The following NF2 variants were observed in gnomAD, a reference collection of about 807,000 sequenced individuals.
NF2 encodes the protein merlin.
In NF2, 8 loss-of-function variants were observed where a neutral mutation model predicts 83.7. The ratio of observed to expected loss-of-function variants is 0.10; its 90% CI spans 0.06 to 0.17. NF2 has a LOEUF of 0.17. NF2 is among the 10% of genes least tolerant of loss of function. NF2 has a pLI of 1.00. For synonymous variants in NF2, 266 were observed against 269.6 expected (o/e 0.99, Z 0.13); for missense variants, 533 against 744.4 (o/e 0.72, Z 3.31).
At chr22:29,616,336 T>C (rs1370714429) in intron 1 of NF2, among the ~76,000 whole-genome samples, 1 of 152,188 alleles carries the variant, frequency 6.6e-6, no homozygotes, top group Non-Finnish European at 1.5e-5. Flanking sequence ...TATATCAAGA[T>C]GTTTAAAAAA....
intron 4 of NF2, among the ~76,000 whole-genome samples, chr22:29,651,119 G>A (rs2066136057): frequency 6.6e-6 from 1 of 152,134 alleles, no homozygotes; most frequent in Non-Finnish European, 1.5e-5. Context: ...TTTATTGACT[G>A]GTGTGTGGGT....
intron 1 of NF2, among the ~76,000 whole-genome samples, chr22:29,613,891 C>G (rs1309392271): frequency 3.3e-5 from 5 of 151,408 alleles, no homozygotes; most frequent in South Asian, 4.2e-4. Flanking sequence ...TCCTGAGTAC[C>G]TGGACTACAG....
chr22:29,608,427 G>A (rs2064862584), intron 1 of NF2, among the ~76,000 whole-genome samples: 1 of 151,216 alleles, frequency 6.6e-6, no homozygotes, highest in African/African-American at 2.4e-5. Flanking sequence ...GGAGTACTCT[G>A]GGAGGCTGAG....
chr22:29,639,056 T>C (rs778018405), intron 2 of NF2, 34 bp from the exon 3 acceptor site: 2 of 1,614,184 alleles, frequency 1.2e-6, no homozygotes, highest in Non-Finnish European at 1.7e-6. Flanking sequence ...AGTGCCAATA[T>C]AGTGTGTTTG....
chr22:29,618,161 C>G (rs1481833070), intron 1 of NF2, among the ~76,000 whole-genome samples: 1 of 152,188 alleles, frequency 6.6e-6, no homozygotes, highest in Non-Finnish European at 1.5e-5. Context: ...ACCATGTTCA[C>G]ATATTCTGTT....
chr22:29,609,111 CTG>C, intron 1 of NF2: 1 of 749,592 alleles, frequency 1.3e-6, no homozygotes, highest in Non-Finnish European at 2.5e-6. Context: ...CTCGAGGAAA[CTG>C]AGAACCCAGG....
intron 4 of NF2, among the ~76,000 whole-genome samples, chr22:29,650,752 G>A (rs2066126094): frequency 6.6e-6 from 1 of 151,830 alleles, no homozygotes. Context: ...ATAGGCATGC[G>A]CCACCATGCC....
At chr22:29,666,046 GAT>G (rs1420182382) in intron 9 of NF2, among the ~76,000 whole-genome samples, 1 of 151,724 alleles carries the variant, frequency 6.6e-6, no homozygotes, top group Admixed American at 6.6e-5. Context: ...ATTTTTTTGA[GAT>G]ATATCTTTGT....
chr22:29,667,948 G>A (rs1443662974), intron 9 of NF2, among the ~76,000 whole-genome samples: 2 of 151,976 alleles, frequency 1.3e-5, no homozygotes, highest in Non-Finnish European at 1.5e-5. Context: ...TGTAAGGGAG[G>A]GATACAACTT....
In NF2 at chr22:29,639,230, A is replaced by AC. The variant is rs747050136; in HGVS notation, c.363+24dup. The AC allele has an allele frequency of 6.2e-7, 1 of 1,613,762 alleles. No individual in the cohort carries two copies. Among genetic ancestry groups the AC allele is most frequent in the Non-Finnish European group, 8.5e-7 (1 of 1,179,980 alleles). On this transcript the variant is annotated intron_variant, in intron 3 of 15. Transcript: ENST00000338641. ...TCTTACAGGTACATCAGTCAAGGCT[A>AC]CCCCCCAGTTCTGAGAGAACTTGCC...
In NF2 at chr22:29,681,420, G is replaced by T. The variant is rs2067130502; in HGVS notation, c.1575-19G>T. 2 of 1,613,458 alleles carry T rather than the reference G, an allele frequency of 1.2e-6. No individual in the cohort carries two copies. The highest frequency in any genetic ancestry group is 1.7e-6 in the Non-Finnish European group (2 of 1,179,700). ...ACTGTCTGCCCAAGCCCTGATGCATGATACCCTCTTGCCGGCAGAGTGGAA... is the reference window on the plus strand; with the variant it reads ...ACTGTCTGCCCAAGCCCTGATGCATTATACCCTCTTGCCGGCAGAGTGGAA... On this transcript the variant is annotated intron_variant, in intron 14 of 15. Coordinates refer to ENST00000338641, the MANE Select transcript of NF2 (RefSeq NM_000268.4).
intron 1 of NF2, among the ~76,000 whole-genome samples, chr22:29,622,023 A>G (rs113667752): frequency 2.6e-5 from 4 of 152,208 alleles, no homozygotes; most frequent in African/African-American, 9.6e-5. Flanking sequence ...CCACTACCCT[A>G]TGCTACCCAA....
chr22:29,692,055 G>T (rs897486082), intron 15 of NF2, among the ~76,000 whole-genome samples: 2 of 152,222 alleles, frequency 1.3e-5, no homozygotes, highest in Non-Finnish European at 2.9e-5. Context: ...CACAATGAGG[G>T]TAAAGGATGG....
At chr22:29,652,342 T>C (rs534792262) in intron 4 of NF2, among the ~76,000 whole-genome samples, 2 of 152,350 alleles carry the variant, frequency 1.3e-5, no homozygotes, top group South Asian at 4.1e-4. Context: ...TTTGCTCTTG[T>C]TGCCCAGGCT....
chr22:29,687,774 G>A (rs2067303596), intron 15 of NF2, among the ~76,000 whole-genome samples: 1 of 152,224 alleles, frequency 6.6e-6, no homozygotes, highest in Non-Finnish European at 1.5e-5. Flanking sequence ...AGGGGTGAGA[G>A]GGGGAAGGAA....
chr22:29,635,821 A>C (rs1251631996), intron 1 of NF2, among the ~76,000 whole-genome samples: 2 of 151,814 alleles, frequency 1.3e-5, no homozygotes. Flanking sequence ...ATCCTAATGC[A>C]CTCGAGTTTG....
At chr22:29,680,591 T>C (rs1205842422) in intron 14 of NF2, among the ~76,000 whole-genome samples, 1 of 152,254 alleles carries the variant, frequency 6.6e-6, no homozygotes. Flanking sequence ...TTGTGGGTGG[T>C]TTCCAGATTT....
At chr22:29,682,181 T>C (rs1017478116) in intron 15 of NF2, among the ~76,000 whole-genome samples, 1 of 152,116 alleles carries the variant, frequency 6.6e-6, no homozygotes, top group Non-Finnish European at 1.5e-5. Flanking sequence ...CTAAATTCCA[T>C]ACTAATTATC....
intron 15 of NF2, among the ~76,000 whole-genome samples, chr22:29,691,742 G>T (rs562236012): frequency 6.6e-5 from 10 of 152,262 alleles, no homozygotes; most frequent in African/African-American, 2.4e-4. Flanking sequence ...CAGGCAGGGC[G>T]TGCAGGTGGC....
Sources: gnomAD v4.1 joint callset for allele counts (sites outside exome capture counted in the v4.1 genomes callset) on GRCh38, gnomAD v4.1.1 for gene constraint, MANE v1.5 for transcripts, NCBI Gene and HGNC (gene_info 2026-07-23, HGNC 2026-07-21) for gene names.